MDFIC: variants seen among roughly 807,000 people sequenced by gnomAD.
MDFIC encodes the protein MyoD family inhibitor domain containing, also known as myoD family inhibitor domain-containing protein.
Under a neutral mutation model 23.2 loss-of-function variants are expected in MDFIC, and 17 were observed. The ratio of observed to expected loss-of-function variants is 0.73; its 90% CI spans 0.50 to 1.10. MDFIC has a LOEUF of 1.10. Among genes scored for constraint, MDFIC ranks in the 50% least tolerant of loss-of-function variants. MDFIC has a pLI of 0.00. For missense variants in MDFIC, 356 were observed against 316.6 expected (o/e 1.12, Z -0.95); for synonymous variants, 120 against 115.2 (o/e 1.04, Z -0.27).
rs1258890084 is a variant in MDFIC, at chr7:115,017,281, C to T, written c.*1346C>T. 1 of 151,886 alleles carries T rather than the reference C, an allele frequency of 6.6e-6. No homozygotes were observed. The highest frequency in any genetic ancestry group is 1.5e-5 in the Non-Finnish European group (1 of 67,954). 9.4% of individuals were successfully genotyped at this position (151,886 alleles called of 1,614,324 possible). ...ATACTTTTTTGATGAAAACATAATG[C>T]CTTAGTAAAATAGCTCTATTTAATA... On this transcript the variant is annotated 3_prime_UTR_variant, in exon 5 of 5. Transcript: ENST00000393486.
At chr7:115,005,886 G>T (rs557377393) in intron 4 of MDFIC, among the ~76,000 whole-genome samples, 3 of 152,294 alleles carry the variant, frequency 2.0e-5, no homozygotes, top group East Asian at 3.9e-4. Flanking sequence ...TGTCATCATT[G>T]ATTCACAAAT....
intron 2 of MDFIC, chr7:114,923,510 T>G: frequency 6.5e-7 from 1 of 1,537,776 alleles, no homozygotes; most frequent in Non-Finnish European, 8.7e-7. Flanking sequence ...AGCGTGCACT[T>G]ACTCCATTTC....
At chr7:114,990,050 A>C (rs1585115536) in intron 4 of MDFIC, among the ~76,000 whole-genome samples, 1 of 152,236 alleles carries the variant, frequency 6.6e-6, no homozygotes, top group Non-Finnish European at 1.5e-5. Flanking sequence ...AGAAAATATA[A>C]GTAAAGAAAC....
At chr7:114,992,065 C>T (rs1305282778) in intron 4 of MDFIC, among the ~76,000 whole-genome samples, 1 of 152,214 alleles carries the variant, frequency 6.6e-6, no homozygotes, top group African/African-American at 2.4e-5. Context: ...AAGTCCTTCA[C>T]ATCCCTTGTA....
At chr7:114,936,829 ATAT>A (rs1258425403) in intron 2 of MDFIC, among the ~76,000 whole-genome samples, 1 of 152,120 alleles carries the variant, frequency 6.6e-6, no homozygotes, top group African/African-American at 2.4e-5. Flanking sequence ...GATCAAATAA[ATAT>A]TATATATTTA....
At chr7:115,014,498 T>C in intron 4 of MDFIC, 1 of 1,289,764 alleles carries the variant, frequency 7.8e-7, no homozygotes. Context: ...TTAATTTTAA[T>C]GCCAAATACA....
At chr7:114,974,646 T>C (rs1368420241) in intron 3 of MDFIC, among the ~76,000 whole-genome samples, 1 of 152,150 alleles carries the variant, frequency 6.6e-6, no homozygotes, top group African/African-American at 2.4e-5. Context: ...AAAATGTTGC[T>C]TTATATTGCT....
intron 3 of MDFIC, among the ~76,000 whole-genome samples, chr7:114,943,949 C>T: frequency 6.6e-6 from 1 of 151,988 alleles, no homozygotes; most frequent in East Asian, 1.9e-4. Context: ...AAAAGACAAA[C>T]ACTATTAAAT....
intron 3 of MDFIC, 144 bp downstream of exon 3, chr7:114,942,541 T>A: frequency 1.7e-6 from 1 of 584,720 alleles, no homozygotes; most frequent in Non-Finnish European, 2.7e-6. Context: ...TATTTTAAAT[T>A]ACAGAGCTAA....
intron 4 of MDFIC, among the ~76,000 whole-genome samples, chr7:114,983,322 T>C (rs1483672543): frequency 6.6e-6 from 1 of 152,188 alleles, no homozygotes; most frequent in African/African-American, 2.4e-5. Flanking sequence ...ATAACATTTT[T>C]TTTGGTTCAG....
At chr7:114,943,782 C>G (rs1444961707) in intron 3 of MDFIC, among the ~76,000 whole-genome samples, 32 of 152,002 alleles carry the variant, frequency 2.1e-4, no homozygotes, top group Admixed American at 2.1e-3. Flanking sequence ...ACAATTTTAC[C>G]TCTATCTGTT....
chr7:114,982,788 G>T (rs1793440026), intron 4 of MDFIC, among the ~76,000 whole-genome samples: 2 of 152,208 alleles, frequency 1.3e-5, no homozygotes, highest in Non-Finnish European at 2.9e-5. Flanking sequence ...GGAAGAGCAA[G>T]ATCAAGGTGC....
Position 114,942,354 on chromosome 7 carries a change from C to A in MDFIC, c.174C>A (p.Asp58Glu). ...NSHFTHGEMQ[D>E]QSIWGNPSDG... is the part of the protein sequence containing the mutation. The stretch of plus-strand genomic sequence containing the variant: ...ACTTCACACATGGAGAGATGCAAGA[C>A]CAGTCCATTTGGGGAAATCCTTCGG... Residue 58 changes from aspartate (D) to glutamate (E), a missense_variant, in exon 3 of 5, where the codon GAC (aspartate) becomes GAA (glutamate). Coordinates refer to ENST00000393486, the MANE Select transcript of MDFIC (RefSeq NM_001166345.3). The A allele has an allele frequency of 6.2e-7, 1 of 1,605,488 alleles. No homozygotes were observed. Among genetic ancestry groups the A allele is most frequent in the Non-Finnish European group, 8.5e-7 (1 of 1,175,310 alleles).
intron 4 of MDFIC, among the ~76,000 whole-genome samples, chr7:114,990,018 G>A (rs78207207): frequency 6.4e-4 from 97 of 152,180 alleles, no homozygotes; most frequent in African/African-American, 2.1e-3. Context: ...AACAAACATA[G>A]CTAAGCAAAC....
chr7:114,999,782 A>G (rs529347851), intron 4 of MDFIC, among the ~76,000 whole-genome samples: 124 of 152,200 alleles, frequency 8.1e-4, no homozygotes, highest in African/African-American at 2.9e-3. Context: ...GGAGGGTCCA[A>G]TGTAAGTCTG....
intron 1 of MDFIC, 127 bp downstream of exon 1, chr7:114,922,763 C>T: frequency 8.0e-7 from 1 of 1,248,460 alleles, no homozygotes; most frequent in Non-Finnish European, 1.0e-6. Flanking sequence ...GACCCCGCCG[C>T]TGTCAACTTG....
chr7:115,014,566 A>G, intron 4 of MDFIC: 2 of 1,227,088 alleles, frequency 1.6e-6, no homozygotes, highest in Non-Finnish European at 2.1e-6. Context: ...TCTTATCGCT[A>G]TTGTAGGTTG....
intron 3 of MDFIC, among the ~76,000 whole-genome samples, chr7:114,951,083 G>A (rs762295905): frequency 1.3e-5 from 2 of 152,216 alleles, no homozygotes; most frequent in Non-Finnish European, 2.9e-5. Flanking sequence ...TTACTTGGGA[G>A]GCTGAGGTGG....
intron 3 of MDFIC, among the ~76,000 whole-genome samples, chr7:114,952,928 T>C (rs1049263736): frequency 1.3e-5 from 2 of 152,218 alleles, no homozygotes; most frequent in African/African-American, 4.8e-5. Flanking sequence ...AGACTGATAA[T>C]GTAGGCAGCA....
Sources: allele counts gnomAD v4.1 joint callset (sites outside exome capture counted in the v4.1 genomes callset), GRCh38; gene constraint gnomAD v4.1.1; transcripts MANE v1.5; gene names NCBI Gene and HGNC (gene_info 2026-07-23, HGNC 2026-07-21).